Variants in LMBRD1 observed in about 807,000 individuals in gnomAD.
LMBRD1 encodes the protein lysosomal cobalamin transport escort protein LMBD1.
LMBRD1 carries 64 observed loss-of-function variants against 74.8 expected under a neutral mutation model. That is an observed-to-expected ratio of 0.86 (90% CI 0.70 to 1.05). The LOEUF (loss-of-function observed/expected upper bound fraction) is 1.05, where lower values mean the gene tolerates loss of function less well. LMBRD1 is among the 50% of genes least tolerant of loss of function. The pLI is 0.00. For synonymous variants in LMBRD1, 204 were observed against 216.3 expected (o/e 0.94, Z 0.50); for missense variants, 652 against 645.9 (o/e 1.01, Z -0.10).
intron 14 of LMBRD1, among the ~76,000 whole-genome samples, chr6:69,694,585 T>G (rs1765954425): frequency 6.6e-6 from 1 of 152,204 alleles, no homozygotes; most frequent in African/African-American, 2.4e-5. Flanking sequence ...TCTCTTGATT[T>G]TAATCCTTTC....
intron 14 of LMBRD1, among the ~76,000 whole-genome samples, chr6:69,679,162 A>G (rs9454867): frequency 0.85 from 129,296 of 152,102 alleles, 55,201 homozygotes; most frequent in East Asian, 0.94. Context: ...AGCCCCCAAA[A>G]GCTCCCTTCA....
intron 7 of LMBRD1, among the ~76,000 whole-genome samples, chr6:69,727,855 A>G (rs144102585): frequency 6.6e-6 from 1 of 152,240 alleles, no homozygotes; most frequent in African/African-American, 2.4e-5. Context: ...ATTTTAACCT[A>G]TTTAATTTGG....
chr6:69,759,987 C>T (rs922281704), intron 3 of LMBRD1, among the ~76,000 whole-genome samples: 2 of 152,060 alleles, frequency 1.3e-5, no homozygotes, highest in Admixed American at 6.6e-5. Flanking sequence ...AAAAACTAAA[C>T]ATGTATGACA....
chr6:69,701,713 T>C (rs1475206651), intron 10 of LMBRD1, among the ~76,000 whole-genome samples, 168 bp from the exon 11 acceptor site: 4 of 151,934 alleles, frequency 2.6e-5, no homozygotes, highest in African/African-American at 9.7e-5. Context: ...TGATGGAGAA[T>C]AAAGAAACAC....
chr6:69,741,645 T>A, intron 6 of LMBRD1, 144 bp downstream of exon 6: 5 of 488,880 alleles, frequency 1.0e-5, no homozygotes, highest in Non-Finnish European at 1.5e-5. Flanking sequence ...CCCCTCGGCC[T>A]CCCAAAGTGC....
intron 3 of LMBRD1, among the ~76,000 whole-genome samples, chr6:69,762,205 A>G (rs1425445648): frequency 6.6e-6 from 1 of 152,218 alleles, no homozygotes; most frequent in Non-Finnish European, 1.5e-5. Context: ...GTTTGGGACT[A>G]CTATAAAAAC....
At chr6:69,715,980 G>T (rs896439565) in intron 8 of LMBRD1, among the ~76,000 whole-genome samples, 2 of 152,132 alleles carry the variant, frequency 1.3e-5, no homozygotes, top group African/African-American at 2.4e-5. Flanking sequence ...CTATTCCATG[G>T]TGTATATGTA....
At chr6:69,785,764 T>C (rs1765931270) in intron 2 of LMBRD1, among the ~76,000 whole-genome samples, 1 of 152,226 alleles carries the variant, frequency 6.6e-6, no homozygotes, top group Non-Finnish European at 1.5e-5. Flanking sequence ...TCTAAACTTA[T>C]TAATATGACT....
chr6:69,761,451 C>T (rs544724216), intron 3 of LMBRD1, among the ~76,000 whole-genome samples: 1 of 152,242 alleles, frequency 6.6e-6, no homozygotes, highest in African/African-American at 2.4e-5. Context: ...TTTTTAACCT[C>T]ATTTTTTTAA....
intron 3 of LMBRD1, 39 bp from the exon 4 acceptor site, chr6:69,752,395 A>T: frequency 1.3e-6 from 2 of 1,485,826 alleles, no homozygotes; most frequent in Non-Finnish European, 1.9e-6. Context: ...TACTAAATAC[A>T]TATGTACTTA....
intron 1 of LMBRD1, among the ~76,000 whole-genome samples, chr6:69,793,718 C>CTTTTTTTTTT (rs34341228): frequency 3.1e-5 from 3 of 96,030 alleles, no homozygotes; most frequent in South Asian, 4.0e-4. Context: ...TGTCCTGAAT[C>CTTTTTTTTTT]TTTTTTTTTT....
intron 7 of LMBRD1, among the ~76,000 whole-genome samples, chr6:69,723,045 CAT>C (rs1766651138): frequency 6.6e-6 from 1 of 152,028 alleles, no homozygotes; most frequent in African/African-American, 2.4e-5. Flanking sequence ...TATTGGGGAA[CAT>C]AGATTTCAAG....
chr6:69,794,195 T>C (rs1021066287), intron 1 of LMBRD1, among the ~76,000 whole-genome samples: 6 of 152,250 alleles, frequency 3.9e-5, no homozygotes, highest in Non-Finnish European at 2.9e-5. Context: ...TCATGGTTCA[T>C]AGCCACAGTG....
chr6:69,792,736 T>C (rs1481896065), intron 1 of LMBRD1, among the ~76,000 whole-genome samples: 1 of 152,256 alleles, frequency 6.6e-6, no homozygotes, highest in Non-Finnish European at 1.5e-5. Context: ...GTCTCATCTT[T>C]ATATCCTCAG....
chr6:69,796,666 C>T (rs1766240010), intron 1 of LMBRD1, 147 bp downstream of exon 1: 3 of 761,144 alleles, frequency 3.9e-6, no homozygotes, highest in Non-Finnish European at 6.8e-6. Context: ...GCCCAAGCCC[C>T]CAACACTAAG....
chr6:69,690,183 CTAT>C (rs1465436897), intron 14 of LMBRD1, among the ~76,000 whole-genome samples: 1 of 151,794 alleles, frequency 6.6e-6, no homozygotes, highest in Non-Finnish European at 1.5e-5. Flanking sequence ...TTTTGCAAGT[CTAT>C]TTATACTCAT....
chr6:69,700,988 G>C, intron 11 of LMBRD1, 119 bp from the exon 12 acceptor site: 1 of 710,210 alleles, frequency 1.4e-6, no homozygotes, highest in Non-Finnish European at 2.1e-6. Flanking sequence ...TATCAACCTT[G>C]ATTTAGATTA....
intron 4 of LMBRD1, among the ~76,000 whole-genome samples, chr6:69,750,323 G>A (rs1042128633): frequency 2.0e-5 from 3 of 151,644 alleles, no homozygotes; most frequent in Non-Finnish European, 1.5e-5. Context: ...TCTGTCCTAA[G>A]GCACATAGGT....
At chr6:69,697,783 T>A (rs932999035) in intron 13 of LMBRD1, 142 bp from the exon 14 acceptor site, 1 of 585,158 alleles carries the variant, frequency 1.7e-6, no homozygotes, top group Non-Finnish European at 3.0e-6. Context: ...TGTGCAACAT[T>A]GCTCTTAGAA....
Sources: allele counts gnomAD v4.1 joint callset (sites outside exome capture counted in the v4.1 genomes callset), GRCh38; gene constraint gnomAD v4.1.1; transcripts MANE v1.5; gene names NCBI Gene and HGNC (gene_info 2026-07-23, HGNC 2026-07-21).